IFT56: variants seen among roughly 807,000 people sequenced by gnomAD.
IFT56 encodes intraflagellar transport 56, also known as intraflagellar transport protein 56.
the IFT56 span, among the ~76,000 whole-genome samples, chr7:139,170,744 T>A: frequency 6.6e-6 from 1 of 152,316 alleles, no homozygotes; most frequent in Non-Finnish European, 1.5e-5. Flanking sequence ...ACAGCTAGTA[T>A]CATATTGAAT....
At chr7:139,182,323 A>G in the IFT56 span, among the ~76,000 whole-genome samples, 1 of 152,222 alleles carries the variant, frequency 6.6e-6, no homozygotes, top group South Asian at 2.1e-4. Flanking sequence ...TACCAAAAAA[A>G]GAGGTGAATT....
At chr7:139,164,986 T>TA in the IFT56 span, 1 of 512,674 alleles carries the variant, frequency 2.0e-6, no homozygotes, top group Non-Finnish European at 3.4e-6. Flanking sequence ...CAGCCAATAG[T>TA]AAAAGTTCTC....
chr7:139,133,853 T>G, the IFT56 span: 1 of 1,614,156 alleles, frequency 6.2e-7, no homozygotes, highest in Non-Finnish European at 8.5e-7. Context: ...AAGACCGACG[T>G]CAAGATGGTT....
chr7:139,178,231 C>G, the IFT56 span: 1 of 1,613,672 alleles, frequency 6.2e-7, no homozygotes, highest in Non-Finnish European at 8.5e-7. Context: ...ACCAGGGAGG[C>G]AGTGCATGGC....
At chr7:139,176,686 G>A in the IFT56 span, among the ~76,000 whole-genome samples, 1 of 152,194 alleles carries the variant, frequency 6.6e-6, no homozygotes, top group Non-Finnish European at 1.5e-5. Context: ...ATGCTGAACT[G>A]AAAATTAAAT....
At chr7:139,169,402 A>G in the IFT56 span, 1 of 1,527,548 alleles carries the variant, frequency 6.5e-7, no homozygotes, top group Non-Finnish European at 9.1e-7. Flanking sequence ...GGAGTGGGGC[A>G]TATATTGACC....
chr7:139,174,859 A>G, the IFT56 span, among the ~76,000 whole-genome samples: 1 of 151,994 alleles, frequency 6.6e-6, no homozygotes, highest in African/African-American at 2.4e-5. Context: ...CATCTCTACT[A>G]AAAATGCAAA....
At chr7:139,160,278 A>G in the IFT56 span, among the ~76,000 whole-genome samples, 1 of 152,200 alleles carries the variant, frequency 6.6e-6, no homozygotes, top group Admixed American at 6.5e-5. Flanking sequence ...ATTTATTAAC[A>G]TCTCCTTTCA....
At chr7:139,191,520 C>T in the IFT56 span, 89 of 152,296 alleles carry the variant, frequency 5.8e-4, no homozygotes, top group African/African-American at 2.1e-3. Flanking sequence ...TGGAGACTTA[C>T]TTTCAAATGA....
the IFT56 span, among the ~76,000 whole-genome samples, chr7:139,175,711 T>C: frequency 2.0e-5 from 3 of 151,838 alleles, no homozygotes; most frequent in African/African-American, 7.3e-5. Context: ...CTCATGGAGA[T>C]AGGGAGTAGA....
chr7:139,178,016 A>G, the IFT56 span, among the ~76,000 whole-genome samples: 3 of 152,088 alleles, frequency 2.0e-5, no homozygotes, highest in Non-Finnish European at 2.9e-5. Context: ...ATCCCCAGAG[A>G]GATTATTGGT....
the IFT56 span, among the ~76,000 whole-genome samples, chr7:139,166,538 CT>C: frequency 6.8e-6 from 1 of 146,982 alleles, no homozygotes; most frequent in Non-Finnish European, 1.5e-5. Context: ...ATATGTATCT[CT>C]TTTTTAAAGA....
chr7:139,176,107 C>A, the IFT56 span, among the ~76,000 whole-genome samples: 2 of 152,008 alleles, frequency 1.3e-5, no homozygotes, highest in African/African-American at 2.4e-5. Context: ...GCATGAGCCA[C>A]CGCACCCGGC....
At chr7:139,151,170 A>T in the IFT56 span, among the ~76,000 whole-genome samples, 7 of 152,218 alleles carry the variant, frequency 4.6e-5, no homozygotes, top group African/African-American at 1.7e-4. Context: ...GAAGACTGAG[A>T]AAAGGCCATT....
At chr7:139,169,247 T>C in the IFT56 span, 18 of 1,530,514 alleles carry the variant, frequency 1.2e-5, no homozygotes, top group Admixed American at 1.7e-5. Context: ...AAATAAAATA[T>C]TTTTACCTTA....
chr7:139,178,644 C>A, the IFT56 span: 1 of 1,514,612 alleles, frequency 6.6e-7, no homozygotes, highest in Non-Finnish European at 9.2e-7. Context: ...TATCTAAAAA[C>A]ATCCTTATCT....
At chr7:139,139,573 C>G in the IFT56 span, among the ~76,000 whole-genome samples, 1 of 152,046 alleles carries the variant, frequency 6.6e-6, no homozygotes, top group Non-Finnish European at 1.5e-5. Flanking sequence ...TAAAGGGTAT[C>G]TTGTATGTCT....
At chr7:139,158,313 C>CAAAAAAAAA in the IFT56 span, among the ~76,000 whole-genome samples, 1 of 115,386 alleles carries the variant, frequency 8.7e-6, no homozygotes, top group South Asian at 2.9e-4. Flanking sequence ...GACGCCATCT[C>CAAAAAAAAA]AAAAAAAAAA....
chr7:139,189,846 T>C, the IFT56 span: 1 of 153,066 alleles, frequency 6.5e-6, no homozygotes, highest in African/African-American at 2.4e-5. Flanking sequence ...CTCTGTACGT[T>C]ATCCCATTTT....
Sources: allele counts gnomAD v4.1 joint callset (sites outside exome capture counted in the v4.1 genomes callset), GRCh38; gene constraint gnomAD v4.1.1; transcripts MANE v1.5; gene names NCBI Gene and HGNC (gene_info 2026-07-23, HGNC 2026-07-21).